Variants in CAPZA1 observed in about 807,000 individuals in gnomAD.
CAPZA1 encodes F-actin-capping protein subunit alpha-1.
A neutral mutation model predicts 40.8 loss-of-function variants in CAPZA1; 10 were observed. That is an observed-to-expected ratio of 0.25 (90% confidence interval 0.15 to 0.42). CAPZA1 has a LOEUF of 0.42. Ranked by LOEUF, CAPZA1 falls within the 10% of genes least tolerant of loss-of-function variation. The probability of loss-of-function intolerance (pLI) is 1.00; values close to 1 mark genes in which losing one functional copy is unlikely to be tolerated. For synonymous variants in CAPZA1, 98 were observed against 115.0 expected (o/e 0.85, Z 0.95); for missense variants, 277 against 353.8 (o/e 0.78, Z 1.74).
At chr1:112,637,879 T>C (rs1043859425) in intron 1 of CAPZA1, among the ~76,000 whole-genome samples, 2 of 152,144 alleles carry the variant, frequency 1.3e-5, no homozygotes, top group African/African-American at 4.8e-5. Flanking sequence ...AAATAAAGTT[T>C]TATTGGAACA....
rs572254489 is a variant in CAPZA1 at position 112,668,241 on chromosome 1, A to C, written c.657+1096A>C. On this transcript the variant is annotated intron_variant, in intron 8 of 9. Transcript: ENST00000263168. ...CAGTGAGCCAAGATCGTGCCACTGC[A>C]CTTCAGCCTGGGTGACAGAATGAAA... is the stretch of plus-strand genomic sequence containing the variant. 4.6e-5 allele frequency among the ~76,000 whole-genome samples: 7 copies of C among 152,312 alleles called. No individual in the cohort carries two copies. In the South Asian group the frequency reaches 1.4e-3, roughly 32 times the overall value.
chr1:112,634,613 G>A (rs534328493), intron 1 of CAPZA1: 2 of 152,268 alleles, frequency 1.3e-5, no homozygotes, highest in South Asian at 4.1e-4. Flanking sequence ...AACAGTAGCT[G>A]ACATTTATTG....
intron 1 of CAPZA1, among the ~76,000 whole-genome samples, chr1:112,644,244 G>A (rs1671239191): frequency 7.5e-6 from 1 of 133,118 alleles, no homozygotes; most frequent in African/African-American, 2.9e-5. Flanking sequence ...AGGCTGGAGT[G>A]CAATGGTGCA....
chr1:112,650,533 C>G (rs1671365862), intron 3 of CAPZA1, among the ~76,000 whole-genome samples: 1 of 152,236 alleles, frequency 6.6e-6, no homozygotes, highest in Non-Finnish European at 1.5e-5. Context: ...TTTAACTCCT[C>G]TCTACTTTCT....
intron 1 of CAPZA1, among the ~76,000 whole-genome samples, chr1:112,639,736 C>A (rs1431726945): frequency 6.6e-6 from 1 of 151,978 alleles, no homozygotes; most frequent in Non-Finnish European, 1.5e-5. Context: ...TGTTGACATG[C>A]TCCTTTTTTT....
In CAPZA1 at chr1:112,653,618, T is replaced by G. The variant is rs770995587; in HGVS notation, c.176T>G (p.Met59Arg). The change falls in exon 4 of 10, where the codon ATG (methionine) becomes AGG (arginine). Residue 59 changes from methionine (M) to arginine (R), a missense_variant. Physicochemically the swap from Met to Arg is moderately conservative, Grantham distance 91 (BLOSUM62 -1). This residue lies in a region of CAPZA1 where 85 missense variants were observed against 76.5 expected (regional missense o/e 1.11). Transcript: ENST00000263168. ...GAAHAFAQYN[M>R]DQFTPVKIEG... is the part of the protein sequence containing the mutation. The stretch of plus-strand genomic sequence containing the variant: ...AACAGTGCATTTGCCCAGTATAACA[T>G]GGATCAGTTCACGCCTGTGAAGATA... 1.9e-6 allele frequency: 3 copies of G among 1,594,820 alleles called. No individual in the cohort carries two copies. In the Admixed American group the frequency reaches 5.2e-5, roughly 28 times the overall value.
At position 112,671,028 on chromosome 1, in the gene CAPZA1, C is replaced by T. The variant is rs1165998636; in HGVS notation, c.*896C>T. ...TACTATAAGCAAATGAATTAAACAGCTATGTAAATCATAAAGAAAAACTAA... is the reference window on the plus strand; with the variant it reads ...TACTATAAGCAAATGAATTAAACAGTTATGTAAATCATAAAGAAAAACTAA... On this transcript the variant is annotated 3_prime_UTR_variant, in exon 10 of 10. Coordinates refer to ENST00000263168, the MANE Select transcript of CAPZA1 (RefSeq NM_006135.3). 4.6e-5 allele frequency: 7 copies of T among 152,562 alleles called. No individual in the cohort carries two copies. The allele number at this position is 152,562 out of a possible 1,614,324, so 9.5% of individuals were successfully genotyped here.
At chr1:112,622,004 G>T (rs1237409231) in intron 1 of CAPZA1, among the ~76,000 whole-genome samples, 2 of 151,234 alleles carry the variant, frequency 1.3e-5, no homozygotes, top group Non-Finnish European at 3.0e-5. Flanking sequence ...CTCATGATCT[G>T]CCCGCCTTGG....
rs373543289 is a variant in CAPZA1, at chr1:112,636,729, CTTCT to C, written c.40-10473_40-10470del. On this transcript the variant is annotated intron_variant, in intron 1 of 9. Transcript: ENST00000263168. ...CCTCCCCTTTATGGGAGATAACTGC[CTTCT>C]TTCTTTCACTCTCCCACCCTTGAGA... Among the ~76,000 whole-genome samples, 335 of 152,136 alleles carry C rather than the reference CTTCT, an allele frequency of 2.2e-3. 1 individual carries two copies. Among genetic ancestry groups the C allele is most frequent in the African/African-American group, 6.8e-3 (284 of 41,506 alleles).
intron 3 of CAPZA1, among the ~76,000 whole-genome samples, chr1:112,653,210 T>TAGTCCCAGCTACTCAGGAAACAG (rs1671431744): frequency 6.6e-6 from 1 of 152,220 alleles, no homozygotes; most frequent in South Asian, 2.1e-4. Context: ...TGTGCACCTG[T>TAGTCCCAGCTACTCAGGAAACAG]AGTCCCAGCT....
chr1:112,669,927 T>C, intron 9 of CAPZA1, 65 bp from the exon 10 acceptor site: 3 of 1,574,330 alleles, frequency 1.9e-6, no homozygotes, highest in Non-Finnish European at 2.6e-6. Context: ...ACTATAGCAT[T>C]ACTTTTCTGT....
intron 1 of CAPZA1, among the ~76,000 whole-genome samples, chr1:112,632,556 A>G (rs1670941098): frequency 6.7e-6 from 1 of 150,314 alleles, no homozygotes; most frequent in Admixed American, 6.6e-5. Flanking sequence ...GGCCAAAGAC[A>G]GGGGGATGTG....
intron 1 of CAPZA1, chr1:112,646,691 A>G (rs1671286892): frequency 6.6e-6 from 1 of 152,114 alleles, no homozygotes; most frequent in Non-Finnish European, 1.5e-5. Flanking sequence ...TATATCTACC[A>G]AAAATTAATA....
intron 3 of CAPZA1, among the ~76,000 whole-genome samples, 171 bp from the exon 4 acceptor site, chr1:112,653,427 G>A (rs953742830): frequency 6.6e-6 from 1 of 152,178 alleles, no homozygotes; most frequent in Non-Finnish European, 1.5e-5. Flanking sequence ...CAGAAAGCTG[G>A]AAGGCATTAT....
At chr1:112,664,192 C>G (rs562719253) in intron 7 of CAPZA1, among the ~76,000 whole-genome samples, 278 of 146,106 alleles carry the variant, frequency 1.9e-3, no homozygotes, top group Middle Eastern at 3.7e-3. Flanking sequence ...ACATCAGCCA[C>G]TGTGCTCCAG....
chr1:112,626,579 A>G (rs188218690), intron 1 of CAPZA1, among the ~76,000 whole-genome samples: 14 of 152,296 alleles, frequency 9.2e-5, no homozygotes, highest in African/African-American at 3.4e-4. Flanking sequence ...GCATATACAG[A>G]CACACTTTTC....
At chr1:112,640,622 C>T (rs1483235280) in intron 1 of CAPZA1, among the ~76,000 whole-genome samples, 9 of 150,958 alleles carry the variant, frequency 6.0e-5, no homozygotes, top group Admixed American at 5.9e-4. Context: ...CCCGCCCGGC[C>T]AGCCGCCCCA....
chr1:112,659,584 C>CTTTTTTTTTTT, intron 6 of CAPZA1, 117 bp from the exon 7 acceptor site: 1 of 373,382 alleles, frequency 2.7e-6, no homozygotes, highest in Non-Finnish European at 4.3e-6. Context: ...TTCTCTCTCT[C>CTTTTTTTTTTT]TCTTTTTTTT....
At chr1:112,668,342 A>C (rs958226414) in intron 8 of CAPZA1, among the ~76,000 whole-genome samples, 3 of 152,206 alleles carry the variant, frequency 2.0e-5, no homozygotes, top group Admixed American at 6.5e-5. Flanking sequence ...TAATGATAAC[A>C]AACCCATTAC....
Sources: gnomAD v4.1 joint callset for allele counts (sites outside exome capture counted in the v4.1 genomes callset) on GRCh38, gnomAD v4.1.1 for gene constraint, gnomAD v4.1.1 regional missense constraint, MANE v1.5 for transcripts, NCBI Gene and HGNC (gene_info 2026-07-23, HGNC 2026-07-21) for gene names.